KCNMB4: variants seen among roughly 807,000 people sequenced by gnomAD.
KCNMB4 encodes the protein potassium calcium-activated channel subfamily M regulatory beta subunit 4, also known as calcium-activated potassium channel subunit beta-4.
A neutral mutation model predicts 20.7 loss-of-function variants in KCNMB4; 3 were observed. The ratio of observed to expected loss-of-function variants is 0.14; its 90% CI spans 0.07 to 0.37. KCNMB4 has a LOEUF of 0.37. KCNMB4 is among the 10% of genes least tolerant of loss of function. KCNMB4 has a pLI of 1.00. For missense variants in KCNMB4, 168 were observed against 265.9 expected (o/e 0.63, Z 2.56); for synonymous variants, 110 against 113.4 (o/e 0.97, Z 0.19).
At position 70,430,711 on chromosome 12, in the gene KCNMB4, C is replaced by T; in HGVS notation, c.*58C>T. ...GAAGCTGTACTCATCGGCACGCGTC[C>T]ACCTGCGGAACCTGTGTTTCCTGGC... is the stretch of plus-strand genomic sequence containing the variant. On this transcript the variant is annotated 3_prime_UTR_variant, in exon 3 of 3. Transcript: ENST00000258111. The T allele has an allele frequency of 2.7e-6, 4 of 1,470,436 alleles. No homozygotes were observed. Among genetic ancestry groups the T allele is most frequent in the African/African-American group, 1.4e-5 (1 of 69,042 alleles). The allele number at this position is 1,470,436 out of a possible 1,614,324, so 91.1% of individuals were successfully genotyped here. A position where few individuals can be genotyped will look rare whatever the true frequency, so the allele number is the denominator to read the frequency against.
intron 1 of KCNMB4, among the ~76,000 whole-genome samples, chr12:70,374,048 G>A (rs1376069733): frequency 9.2e-5 from 14 of 152,138 alleles, no homozygotes; most frequent in Admixed American, 6.5e-5. Flanking sequence ...TGAGATTATC[G>A]TAATGTATCT....
Position 70,400,153 on chromosome 12 carries a change from T to A in KCNMB4, c.337-56T>A, listed in dbSNP as rs1316558916. 7.5e-6 allele frequency: 10 copies of A among 1,333,946 alleles called. No individual in the cohort carries two copies. The African/African-American group carries it at 8.9e-5, about 12-fold the overall frequency. The allele number at this position is 1,333,946 out of a possible 1,614,324, so 82.6% of individuals were successfully genotyped here. ...ATGCCATCTTTCTATAAAAAAAGACTGTATCTCAATGTTCCATAAAATAAT... is the reference window on the plus strand; with the variant it reads ...ATGCCATCTTTCTATAAAAAAAGACAGTATCTCAATGTTCCATAAAATAAT... On this transcript the variant is annotated intron_variant, in intron 1 of 2. Transcript: ENST00000258111.
chr12:70,426,889 A>G (rs567797668), intron 2 of KCNMB4, among the ~76,000 whole-genome samples: 2 of 152,214 alleles, frequency 1.3e-5, no homozygotes, highest in Non-Finnish European at 2.9e-5. Flanking sequence ...AAGTTTTTCT[A>G]TGGGTACCCA....
chr12:70,399,900 A>G (rs1868407852), intron 1 of KCNMB4, among the ~76,000 whole-genome samples: 1 of 152,192 alleles, frequency 6.6e-6, no homozygotes, highest in African/African-American at 2.4e-5. Flanking sequence ...CGGACAGGTC[A>G]CCAAAAGAGA....
Position 70,391,851 on chromosome 12 carries a change from A to G in KCNMB4, c.337-8358A>G, listed in dbSNP as rs118125336. On this transcript the variant is annotated intron_variant, in intron 1 of 2. Transcript: ENST00000258111. Reference sequence around the variant, plus strand: ...CATTGCTGTAATCAATGGCTCATTTATGTGCTAAGGAAGAGAAGCTAGACC... The same window carrying G: ...CATTGCTGTAATCAATGGCTCATTTGTGTGCTAAGGAAGAGAAGCTAGACC... Among the ~76,000 whole-genome samples the G allele has an allele frequency of 1.7e-4, 26 of 152,292 alleles. No homozygotes were observed. The East Asian group carries it at 5.0e-3, about 29-fold the overall frequency.
intron 1 of KCNMB4, among the ~76,000 whole-genome samples, chr12:70,373,127 G>A (rs1883628443): frequency 6.6e-6 from 1 of 152,100 alleles, no homozygotes; most frequent in South Asian, 2.1e-4. Flanking sequence ...CAGCCAGGAT[G>A]GGTTTGCTAG....
chr12:70,416,885 TA>T (rs1236068638), intron 2 of KCNMB4, among the ~76,000 whole-genome samples: 7 of 152,178 alleles, frequency 4.6e-5, no homozygotes, highest in African/African-American at 1.7e-4. Flanking sequence ...TTATTTAATT[TA>T]AAAAAACCGG....
intron 2 of KCNMB4, among the ~76,000 whole-genome samples, chr12:70,412,327 C>T (rs1229633645): frequency 1.3e-5 from 2 of 152,184 alleles, no homozygotes; most frequent in African/African-American, 2.4e-5. Flanking sequence ...TGGACATCTA[C>T]ACATTAGTAA....
chr12:70,429,658 C>G (rs1869305675), intron 2 of KCNMB4, among the ~76,000 whole-genome samples: 1 of 112,410 alleles, frequency 8.9e-6, no homozygotes, highest in African/African-American at 3.5e-5. Context: ...CAGAGTGAGA[C>G]TCCATCTCAA....
intron 1 of KCNMB4, among the ~76,000 whole-genome samples, chr12:70,396,742 AT>A (rs1314770043): frequency 6.6e-6 from 1 of 152,196 alleles, no homozygotes; most frequent in African/African-American, 2.4e-5. Context: ...TGACGTTACC[AT>A]GTAGGTTGTT....
At chr12:70,368,841 G>A (rs1219608300) in intron 1 of KCNMB4, among the ~76,000 whole-genome samples, 1 of 152,086 alleles carries the variant, frequency 6.6e-6, no homozygotes, top group Non-Finnish European at 1.5e-5. Context: ...CAAAAAGACT[G>A]CTTCACAATT....
chr12:70,396,523 CTCAA>C (rs1323155568), intron 1 of KCNMB4, among the ~76,000 whole-genome samples: 1 of 152,154 alleles, frequency 6.6e-6, no homozygotes, highest in East Asian at 1.9e-4. Flanking sequence ...CCAGGCTGGT[CTCAA>C]ACTCCTGACC....
rs1052310456 is a variant in KCNMB4 at position 70,420,988 on chromosome 12, C to T, written c.465-9497C>T. Among the ~76,000 whole-genome samples, 9 of 150,342 alleles carry T rather than the reference C, an allele frequency of 6.0e-5. No homozygotes were observed. In the South Asian group the frequency reaches 6.3e-4, roughly 11 times the overall value. On this transcript the variant is annotated intron_variant, in intron 2 of 2. Coordinates refer to ENST00000258111, the MANE Select transcript of KCNMB4 (RefSeq NM_014505.6). ...GAATGGTGTGAACCTGGGAGGGGAG[C>T]TTCCAGTGAGCTGAGATAGCGCCAC...
chr12:70,403,360 T>C (rs897606290), intron 2 of KCNMB4, among the ~76,000 whole-genome samples: 2 of 152,042 alleles, frequency 1.3e-5, no homozygotes, highest in Non-Finnish European at 2.9e-5. Flanking sequence ...TGAGTAGGAG[T>C]CTCGCTCTGT....
chr12:70,401,516 A>G (rs1868449535), intron 2 of KCNMB4, among the ~76,000 whole-genome samples: 1 of 152,304 alleles, frequency 6.6e-6, no homozygotes, highest in Admixed American at 6.5e-5. Flanking sequence ...CATGAGTCTA[A>G]TCAGGTTACT....
At chr12:70,381,124 A>G (rs781034031) in intron 1 of KCNMB4, among the ~76,000 whole-genome samples, 5 of 152,174 alleles carry the variant, frequency 3.3e-5, no homozygotes, top group Non-Finnish European at 5.9e-5. Flanking sequence ...AGGTATCCAA[A>G]TGGCCAATGA....
intron 2 of KCNMB4, among the ~76,000 whole-genome samples, chr12:70,425,098 A>G (rs190937799): frequency 5.9e-5 from 9 of 152,272 alleles, no homozygotes; most frequent in Middle Eastern, 3.4e-3. Context: ...TTTTAATACA[A>G]TCTCTTTCCA....
intron 2 of KCNMB4, among the ~76,000 whole-genome samples, chr12:70,407,382 G>T (rs1390171252): frequency 6.6e-6 from 1 of 150,432 alleles, no homozygotes; most frequent in East Asian, 2.0e-4. Context: ...TTACAGCATT[G>T]GCCCTTGGTG....
At chr12:70,416,932 A>G (rs1240443763) in intron 2 of KCNMB4, among the ~76,000 whole-genome samples, 4 of 152,196 alleles carry the variant, frequency 2.6e-5, no homozygotes, top group African/African-American at 7.2e-5. Context: ...GCTGTTAACA[A>G]TTGGGAATCT....
Sources: allele counts gnomAD v4.1 joint callset (sites outside exome capture counted in the v4.1 genomes callset), GRCh38; gene constraint gnomAD v4.1.1; transcripts MANE v1.5; gene names NCBI Gene and HGNC (gene_info 2026-07-23, HGNC 2026-07-21).